The following CERS6 variants were observed in gnomAD, a reference collection of about 807,000 sequenced individuals.
The protein encoded by CERS6 is LAG1 homolog, ceramide synthase 6.
Under a neutral mutation model 56.8 loss-of-function variants are expected in CERS6, and 26 were observed. That is an observed-to-expected ratio of 0.46 (90% confidence interval 0.34 to 0.63). CERS6 has a LOEUF of 0.63. Ranked by LOEUF, CERS6 falls within the 30% of genes least tolerant of loss-of-function variation. The pLI is 0.01. For synonymous variants in CERS6, 164 were observed against 173.3 expected (o/e 0.95, Z 0.42); for missense variants, 415 against 467.5 (o/e 0.89, Z 1.04).
rs1685147700 is a variant in CERS6, at chr2:168,645,110, A to ATAT, written c.465+14068_465+14069insTAT. ...CATCTTAAAAAAAAAAAAAAAAAAA[A>ATAT]AAAAAAATATATATATATATATATA... is the stretch of plus-strand genomic sequence containing the variant. On this transcript the variant is annotated intron_variant, in intron 4 of 9. Coordinates refer to ENST00000305747, the MANE Select transcript of CERS6 (RefSeq NM_203463.3). Among the ~76,000 whole-genome samples the ATAT allele has an allele frequency of 2.0e-4, 12 of 58,904 alleles. 1 individual carries two copies. The highest frequency in any genetic ancestry group is 2.6e-4 in the Non-Finnish European group (8 of 30,494). The allele number at this position is 58,904 out of a possible 152,430, so 38.6% of individuals were successfully genotyped here.
intron 3 of CERS6, among the ~76,000 whole-genome samples, chr2:168,616,467 C>T (rs550010869): frequency 6.6e-6 from 1 of 152,154 alleles, no homozygotes; most frequent in Non-Finnish European, 1.5e-5. Flanking sequence ...ATTCACCAAC[C>T]AACTATTGCT....
intron 9 of CERS6, chr2:168,766,315 C>A (rs1684727974): frequency 3.8e-6 from 6 of 1,597,920 alleles, no homozygotes; most frequent in Non-Finnish European, 5.1e-6. Context: ...TTCTGCTACC[C>A]TGGAAGGCTG....
intron 8 of CERS6, among the ~76,000 whole-genome samples, chr2:168,746,775 GTATA>G (rs71003053): frequency 0.011 from 446 of 38,918 alleles, 3 homozygotes; most frequent in East Asian, 0.025. Flanking sequence ...AGGGTAAAGG[GTATA>G]TATATATATA....
chr2:168,467,667 C>G (rs192506887), intron 1 of CERS6, among the ~76,000 whole-genome samples: 20 of 152,316 alleles, frequency 1.3e-4, no homozygotes, highest in African/African-American at 4.8e-4. Context: ...TTGGTGTCCT[C>G]TCTTGTAAAA....
chr2:168,534,861 C>T (rs574946464), intron 1 of CERS6, among the ~76,000 whole-genome samples: 4 of 152,322 alleles, frequency 2.6e-5, no homozygotes, highest in East Asian at 3.9e-4. Flanking sequence ...GCAGAGACTG[C>T]GGCCACCCCT....
chr2:168,670,056 A>G (rs886648129), intron 4 of CERS6, among the ~76,000 whole-genome samples: 4 of 152,296 alleles, frequency 2.6e-5, no homozygotes, highest in East Asian at 3.9e-4. Flanking sequence ...ACATGTTGCA[A>G]TTGGGGTGAT....
intron 1 of CERS6, among the ~76,000 whole-genome samples, chr2:168,521,381 G>A (rs1264903359): frequency 6.6e-6 from 1 of 152,080 alleles, no homozygotes; most frequent in Admixed American, 6.6e-5. Flanking sequence ...GAGAGATAAC[G>A]CCTACCCTGT....
intron 8 of CERS6, among the ~76,000 whole-genome samples, chr2:168,756,087 G>T (rs1574223655): frequency 6.6e-6 from 1 of 152,154 alleles, no homozygotes; most frequent in East Asian, 1.9e-4. Flanking sequence ...CAATGGAAAT[G>T]AGCAAACCTA....
intron 3 of CERS6, among the ~76,000 whole-genome samples, chr2:168,567,940 C>T (rs1243206788): frequency 2.6e-5 from 4 of 152,242 alleles, no homozygotes; most frequent in Non-Finnish European, 4.4e-5. Context: ...TATGGACAGT[C>T]TGCTCTTTTG....
At chr2:168,739,742 GA>G (rs1427367550) in intron 8 of CERS6, among the ~76,000 whole-genome samples, 4 of 151,860 alleles carry the variant, frequency 2.6e-5, no homozygotes, top group Admixed American at 2.6e-4. Context: ...GTATGAAGAA[GA>G]AAGGAACTTT....
rs1015738335 is a variant in CERS6, at chr2:168,660,667, G to A, written c.465+29625G>A. ...CTTCTTTATGAGAAAAACAATAGCA[G>A]TGCCATCATTATCTTTGGATATCCA... is the stretch of plus-strand genomic sequence containing the variant. On this transcript the variant is annotated intron_variant, in intron 4 of 9. Coordinates refer to ENST00000305747, the MANE Select transcript of CERS6 (RefSeq NM_203463.3). Among the ~76,000 whole-genome samples, 6 of 151,164 alleles carry A rather than the reference G, an allele frequency of 4.0e-5. No homozygotes were observed. In the East Asian group the frequency reaches 5.8e-4, roughly 15 times the overall value.
At chr2:168,637,608 TACATA>T (rs1209498594) in intron 4 of CERS6, among the ~76,000 whole-genome samples, 1 of 152,224 alleles carries the variant, frequency 6.6e-6, no homozygotes, top group African/African-American at 2.4e-5. Context: ...TATATACACA[TACATA>T]ACATAGCAAA....
intron 3 of CERS6, among the ~76,000 whole-genome samples, chr2:168,588,085 T>TC (rs1683587021): frequency 6.6e-6 from 1 of 150,762 alleles, no homozygotes; most frequent in East Asian, 1.9e-4. Flanking sequence ...GGCTAATTTT[T>TC]TTTTTTTTTT....
intron 2 of CERS6, among the ~76,000 whole-genome samples, chr2:168,551,002 G>T (rs1284783804): frequency 1.3e-5 from 2 of 152,210 alleles, no homozygotes; most frequent in Non-Finnish European, 2.9e-5. Flanking sequence ...GTGGGACTGT[G>T]TATGAGCCAA....
rs551206489 is a variant in CERS6, at chr2:168,497,106, C to A, written c.170+40488C>A. Among the ~76,000 whole-genome samples, 83 of 152,132 alleles carry A rather than the reference C, an allele frequency of 5.5e-4. 1 individual carries two copies. The highest frequency in any genetic ancestry group is 1.9e-3 in the African/African-American group (77 of 41,494). On this transcript the variant is annotated intron_variant, in intron 1 of 9. Transcript: ENST00000305747. ...GCTTTGAACCACAGTTTATAGGGGG[C>A]GTGGGTAGCCTGGAAAGGATCACTC...
intron 4 of CERS6, among the ~76,000 whole-genome samples, chr2:168,690,156 T>C (rs923486498): frequency 7.9e-5 from 12 of 152,190 alleles, no homozygotes; most frequent in African/African-American, 2.9e-4. Flanking sequence ...ATTCCTATGA[T>C]ACAGGGCTGA....
At chr2:168,649,477 T>C (rs1271196118) in intron 4 of CERS6, among the ~76,000 whole-genome samples, 1 of 152,168 alleles carries the variant, frequency 6.6e-6, no homozygotes, top group Non-Finnish European at 1.5e-5. Flanking sequence ...AAAGGAATGA[T>C]TTTTAAAATA....
chr2:168,753,032 T>C (rs916135393), intron 8 of CERS6, among the ~76,000 whole-genome samples: 7 of 152,194 alleles, frequency 4.6e-5, no homozygotes, highest in African/African-American at 1.7e-4. Flanking sequence ...TAAGTAAATC[T>C]GAAAACATAA....
chr2:168,751,581 C>G (rs960179433), intron 8 of CERS6, among the ~76,000 whole-genome samples: 4 of 152,010 alleles, frequency 2.6e-5, no homozygotes, highest in Non-Finnish European at 5.9e-5. Flanking sequence ...TCTTTATGTC[C>G]TCTTGCCAAG....
Sources: gnomAD v4.1 joint callset for allele counts (sites outside exome capture counted in the v4.1 genomes callset) on GRCh38, gnomAD v4.1.1 for gene constraint, MANE v1.5 for transcripts, NCBI Gene and HGNC (gene_info 2026-07-23, HGNC 2026-07-21) for gene names.